Variants in APOB observed in about 807,000 individuals in gnomAD.
APOB encodes apolipoprotein B, also known as apolipoprotein B-100.
A neutral mutation model predicts 314.1 loss-of-function variants in APOB; 153 were observed. The observed-to-expected ratio is 0.49, with a 90% confidence interval of 0.43 to 0.56. The LOEUF (loss-of-function observed/expected upper bound fraction) is 0.56, where lower values mean the gene tolerates loss of function less well. Among genes scored for constraint, APOB ranks in the 20% least tolerant of loss-of-function variants. The pLI is 0.00. For missense variants in APOB, 5,430 were observed against 5,350.7 expected (o/e 1.01, Z -0.46); for synonymous variants, 2,087 against 2,036.4 (o/e 1.02, Z -0.67).
In APOB at chr2:21,008,615, T is replaced by C. The variant is rs371755993; in HGVS notation, c.8253A>G (p.Glu2751=). ...FQLPHISHTI[E]VPTFGKLYSI... ...TGTATAGCTTGCCAAAAGTAGGTAC[T>C]TCAATTGTGTGTGAGATGTGGGGAA... is the stretch of plus-strand genomic sequence containing the variant. The change falls in exon 26 of 29, where the codon GAA becomes GAG. Residue 2751 remains glutamate, a synonymous_variant. Coordinates refer to ENST00000233242, the MANE Select transcript of APOB (RefSeq NM_000384.3). 1 of 1,614,110 alleles carries C rather than the reference T, an allele frequency of 6.2e-7. No individual in the cohort carries two copies.
rs748945309 is a variant in APOB, at chr2:21,004,621, G to A, written c.11843C>T (p.Thr3948Ile). 23 of 1,613,870 alleles carry A rather than the reference G, an allele frequency of 1.4e-5. No individual in the cohort carries two copies. Among genetic ancestry groups the A allele is most frequent in the Non-Finnish European group, 1.9e-5 (22 of 1,179,878 alleles). The part of the protein sequence containing the change: ...DGTLASKTKG[T>I]FAHRDFSAEY... ...TGCACTGAAGTCACGGTGTGCAAAT[G>A]TTCCTTTAGTCTTAGAGGCTAACGT... Residue 3948 changes from threonine to isoleucine, a missense_variant, in exon 27 of 29, where the codon ACA (threonine) becomes ATA (isoleucine). Physicochemically the swap from Thr to Ile is moderately conservative, Grantham distance 89 (BLOSUM62 -1). Coordinates refer to ENST00000233242, the MANE Select transcript of APOB (RefSeq NM_000384.3).
intron 25 of APOB, among the ~76,000 whole-genome samples, chr2:21,012,896 A>G (rs932645877): frequency 5.9e-5 from 9 of 152,218 alleles, no homozygotes; most frequent in Non-Finnish European, 8.8e-5. Flanking sequence ...TTATACTTAT[A>G]TACTACACTT....
chr2:21,015,444 T>C lies in APOB; in HGVS notation c.3434A>G (p.Lys1145Arg). ...SEILAHWSPA[K>R]LLLQMDSSAT... ...AGATGAGTCCATTTGGAGAAGCAGTTTGGCAGGCGACCAGTGGGCGAGGAT... is the reference window on the plus strand; with the variant it reads ...AGATGAGTCCATTTGGAGAAGCAGTCTGGCAGGCGACCAGTGGGCGAGGAT... Residue 1145 changes from lysine (K) to arginine (R), a missense_variant, in exon 22 of 29, where the codon AAA becomes AGA. Lys to Arg is a conservative substitution (Grantham distance 26, BLOSUM62 2). Transcript: ENST00000233242. 1 of 1,614,126 alleles carries C rather than the reference T, an allele frequency of 6.2e-7. No individual in the cohort carries two copies. Among genetic ancestry groups the C allele is most frequent in the Non-Finnish European group, 8.5e-7 (1 of 1,180,026 alleles).
intron 5 of APOB, 51 bp downstream of exon 5, chr2:21,037,907 A>C: frequency 6.2e-7 from 1 of 1,605,896 alleles, no homozygotes; most frequent in South Asian, 1.1e-5. Context: ...GGTCTCTAAC[A>C]CATGAAGATG....
At position 21,027,971 on chromosome 2, in the gene APOB, A is replaced by T; in HGVS notation, c.1924T>A (p.Ser642Thr). 6.2e-7 allele frequency: 1 copy of T among 1,614,046 alleles called. No homozygotes were observed. Among genetic ancestry groups the T allele is most frequent in the Non-Finnish European group, 8.5e-7 (1 of 1,179,894 alleles). Residue 642 changes from serine (S) to threonine (T), a missense_variant, in exon 14 of 29, where the codon TCT becomes ACT. By Grantham distance (58) the Ser-to-Thr change is moderately conservative. Coordinates refer to ENST00000233242, the MANE Select transcript of APOB (RefSeq NM_000384.3). ...GGGTCAAGTGATGGAAGAGAAACAG[A>T]TTTGTAGAGTTGATAGTTCCGAGAG... Reference protein sequence around the residue: ...KFSRNYQLYKSVSLPSLDPAS... With the variant: ...KFSRNYQLYKTVSLPSLDPAS...
At chr2:21,003,441 T>C in intron 28 of APOB, 107 bp from the exon 29 acceptor site, 1 of 995,294 alleles carries the variant, frequency 1.0e-6, no homozygotes, top group Non-Finnish European at 1.5e-6. Context: ...AGAGAATCTT[T>C]CATATACTGA....
intron 2 of APOB, 71 bp downstream of exon 2, chr2:21,043,442 C>T (rs1664181805): frequency 1.3e-6 from 2 of 1,539,438 alleles, no homozygotes; most frequent in African/African-American, 1.4e-5. Flanking sequence ...GTGGGAGGCC[C>T]TCAGGGACCC....
chr2:21,027,105 G>C (rs928627648), intron 14 of APOB, 141 bp from the exon 15 acceptor site: 30 of 774,688 alleles, frequency 3.9e-5, no homozygotes, highest in Non-Finnish European at 6.4e-5. Context: ...CATTTCACAG[G>C]AGCTGCTTTA....
intron 24 of APOB, among the ~76,000 whole-genome samples, chr2:21,013,798 A>C (rs771066709): frequency 3.3e-5 from 5 of 152,216 alleles, no homozygotes; most frequent in Non-Finnish European, 7.3e-5. Context: ...TCTTACAGTT[A>C]CATAGTCCCT....
At chr2:21,025,570 C>G (rs1663708497) in intron 15 of APOB, among the ~76,000 whole-genome samples, 1 of 151,928 alleles carries the variant, frequency 6.6e-6, no homozygotes, top group Non-Finnish European at 1.5e-5. Flanking sequence ...AAGTTCTTCT[C>G]AGAGAGAAGA....
chr2:21,010,614 C>G lies in APOB; in HGVS notation c.6254G>C (p.Arg2085Pro). 6.2e-7 allele frequency: 1 copy of G among 1,614,014 alleles called. No individual in the cohort carries two copies. The highest frequency in any genetic ancestry group is 8.5e-7 in the Non-Finnish European group (1 of 1,179,990). ...TTCCAGTACAACTATAATGGTTTGT[C>G]GATTCCTCTCAAAATATTCTTGCAA... ...ETLQEYFERN[R>P]QTIIVVLENV... The change falls in exon 26 of 29, where the codon CGA (arginine) becomes CCA (proline). Residue 2085 changes from arginine to proline, a missense_variant. Coordinates refer to ENST00000233242, the MANE Select transcript of APOB (RefSeq NM_000384.3).
chr2:21,012,814 T>C (rs1663363482), intron 25 of APOB, among the ~76,000 whole-genome samples, 163 bp from the exon 26 acceptor site: 1 of 152,210 alleles, frequency 6.6e-6, no homozygotes, highest in African/African-American at 2.4e-5. Flanking sequence ...GCAAAAGGCA[T>C]TCCTCCAGGA....
chr2:21,016,739 C>G (rs12713871), intron 20 of APOB, 90 bp from the exon 21 acceptor site: 9,647 of 831,756 alleles, frequency 0.012, 81 homozygotes, highest in Non-Finnish European at 0.016. Flanking sequence ...AATCCCAGCA[C>G]TTTGGGAGGC....
In APOB at chr2:21,043,935, G is replaced by C. The variant is rs1270559010; in HGVS notation, c.11C>G (p.Pro4Arg). The change falls in exon 1 of 29, where the codon CCG (proline) becomes CGG (arginine). Residue 4 changes from proline (P) to arginine (R), a missense_variant. This residue lies in a region of APOB where 2,085 missense variants were observed against 2,079.7 expected (regional missense o/e 1.00). Coordinates refer to ENST00000233242, the MANE Select transcript of APOB (RefSeq NM_000384.3). Reference sequence around the variant, plus strand: ...CAGCAGCGCCAGCAGCGCGGGCCTCGGCGGGTCCATCGCCAGCTGCGGTGG... The same window carrying C: ...CAGCAGCGCCAGCAGCGCGGGCCTCCGCGGGTCCATCGCCAGCTGCGGTGG... Reference protein sequence around the residue: MDPPRPALLALLAL... With the variant: MDPRRPALLALLAL... 5.2e-6 allele frequency: 7 copies of C among 1,358,084 alleles called. No homozygotes were observed. The highest frequency in any genetic ancestry group is 1.7e-5 in the South Asian group (1 of 57,980). The allele number at this position is 1,358,084 out of a possible 1,614,324, so 84.1% of individuals were successfully genotyped here.
intron 18 of APOB, 124 bp downstream of exon 18, chr2:21,022,707 C>T (rs1035147593): frequency 4.7e-6 from 4 of 844,512 alleles, no homozygotes; most frequent in East Asian, 2.6e-5. Flanking sequence ...TTCCTTTCTA[C>T]TCCTCTCCTG....
Position 21,004,662 on chromosome 2 carries a change from G to T in APOB, c.11802C>A (p.His3934Gln). The T allele has an allele frequency of 6.2e-7, 1 of 1,613,248 alleles. No individual in the cohort carries two copies. Among genetic ancestry groups the T allele is most frequent in the Non-Finnish European group, 8.5e-7 (1 of 1,179,306 alleles). The change falls in exon 27 of 29, where the codon CAC (histidine) becomes CAA (glutamine). Residue 3934 changes from histidine (H) to glutamine (Q), a missense_variant. Transcript: ENST00000233242. ...AGGCTAACGTACCATCTTCGATTTTGTGTGTTCCCAAAACTGTATAGGAGA... is the reference window on the plus strand; with the variant it reads ...AGGCTAACGTACCATCTTCGATTTTTTGTGTTCCCAAAACTGTATAGGAGA... ...LEYELNVLGT[H>Q]KIEDGTLASK...
rs142756262 is a variant in APOB at position 21,007,986 on chromosome 2, T to C, written c.8882A>G (p.Asn2961Ser). 1.9e-4 allele frequency: 310 copies of C among 1,614,096 alleles called. No individual in the cohort carries two copies. The highest frequency in any genetic ancestry group is 2.5e-4 in the Non-Finnish European group (296 of 1,179,948). ...TCTTAGGTGTTTGCTATTGATCTTA[T>C]TGGACAGTCCAAAGGAAGTGAGGGG... ...EGPLTSFGLS[N>S]KINSKHLRVN... is the part of the protein sequence containing the mutation. The change falls in exon 26 of 29, where the codon AAT becomes AGT. Residue 2961 changes from asparagine to serine, a missense_variant. This residue lies in a region of APOB where 3,281 missense variants were observed against 3,171.0 expected (regional missense o/e 1.03). Coordinates refer to ENST00000233242, the MANE Select transcript of APOB (RefSeq NM_000384.3).
At chr2:21,027,765 G>A in intron 14 of APOB, 63 bp downstream of exon 14, 2 of 1,304,138 alleles carry the variant, frequency 1.5e-6, no homozygotes, top group Non-Finnish European at 2.2e-6. Context: ...CTGGCTCCCA[G>A]GGACTCTCTG....
At position 21,005,892 on chromosome 2, in the gene APOB, A is replaced by G; in HGVS notation, c.10976T>C (p.Leu3659Pro). 1 of 1,613,992 alleles carries G rather than the reference A, an allele frequency of 6.2e-7. No individual in the cohort carries two copies. The highest frequency in any genetic ancestry group is 8.5e-7 in the Non-Finnish European group (1 of 1,179,960). Residue 3659 changes from leucine (L) to proline (P), a missense_variant, in exon 26 of 29, where the codon CTT (leucine) becomes CCT (proline). This residue lies in a region of APOB where 3,281 missense variants were observed against 3,171.0 expected (regional missense o/e 1.03). Transcript: ENST00000233242. ...ELSNDQEKAHLDIAGSLEGHL... is the reference protein window; with the variant it reads ...ELSNDQEKAHPDIAGSLEGHL... ...TCCTTCTAAGGATCCTGCAATGTCA[A>G]GGTGTGCCTTTTCTTGGTCATTGGA...
Sources: gnomAD v4.1 joint callset for allele counts (sites outside exome capture counted in the v4.1 genomes callset) on GRCh38, gnomAD v4.1.1 for gene constraint, gnomAD v4.1.1 regional missense constraint, MANE v1.5 for transcripts, NCBI Gene and HGNC (gene_info 2026-07-23, HGNC 2026-07-21) for gene names.